ZBTB20: variants seen among roughly 807,000 people sequenced by gnomAD.
ZBTB20 encodes zinc finger and BTB domain containing 20.
Under a neutral mutation model 56.9 loss-of-function variants are expected in ZBTB20, and 9 were observed. The ratio of observed to expected loss-of-function variants is 0.16; its 90% CI spans 0.10 to 0.28. The LOEUF is 0.28. Among genes scored for constraint, ZBTB20 ranks in the 10% least tolerant of loss-of-function variants. ZBTB20 has a pLI of 1.00. For synonymous variants in ZBTB20, 417 were observed against 420.7 expected (o/e 0.99, Z 0.11); for missense variants, 655 against 1,003.0 (o/e 0.65, Z 4.69).
At chr3:114,638,267 AACATAG>A (rs2059380461) in intron 6 of ZBTB20, among the ~76,000 whole-genome samples, 1 of 152,036 alleles carries the variant, frequency 6.6e-6, no homozygotes, top group African/African-American at 2.4e-5. Flanking sequence ...TCCCTCTTTG[AACATAG>A]ACATGATGCT....
chr3:114,600,972 T>TC (rs532577887), intron 6 of ZBTB20, among the ~76,000 whole-genome samples: 14,175 of 151,870 alleles, frequency 0.093, 759 homozygotes, highest in African/African-American at 0.14. Context: ...TTTTTTTTTT[T>TC]TCTCTAGGGA....
chr3:114,853,315 A>C (rs770984944), intron 4 of ZBTB20, among the ~76,000 whole-genome samples: 121 of 152,174 alleles, frequency 8.0e-4, no homozygotes, highest in Non-Finnish European at 1.0e-3. Flanking sequence ...CTATATTTAA[A>C]ATACTCTCGA....
rs1236097268 is a variant in ZBTB20, at chr3:114,315,392, C to G, written c.*23613G>C. 6.6e-6 allele frequency: 1 copy of G among 152,164 alleles called. No homozygotes were observed. The highest frequency in any genetic ancestry group is 1.9e-4 in the East Asian group (1 of 5,196). 9.4% of individuals were successfully genotyped at this position (152,164 alleles called of 1,614,324 possible). A position where few individuals can be genotyped will look rare whatever the true frequency, so the allele number is the denominator to read the frequency against. ...ACAATCTGGTTAGAAAAGTTGCCCTCCACTCATAATTCACTGGGAAATGGA... is the reference window on the plus strand; with the variant it reads ...ACAATCTGGTTAGAAAAGTTGCCCTGCACTCATAATTCACTGGGAAATGGA... On this transcript the variant is annotated 3_prime_UTR_variant, in exon 12 of 12. Coordinates refer to ENST00000675478, the MANE Select transcript of ZBTB20 (RefSeq NM_001348800.3).
chr3:114,879,589 G>A (rs1237704278), intron 4 of ZBTB20, among the ~76,000 whole-genome samples: 1 of 152,154 alleles, frequency 6.6e-6, no homozygotes, highest in African/African-American at 2.4e-5. Context: ...ACCGCCTCCT[G>A]AGTGCTATAG....
At chr3:114,968,645 T>A (rs937273007) in intron 3 of ZBTB20, among the ~76,000 whole-genome samples, 2 of 152,150 alleles carry the variant, frequency 1.3e-5, no homozygotes, top group African/African-American at 4.8e-5. Flanking sequence ...AAAACACACT[T>A]CGGTCACCTC....
chr3:115,009,639 G>A (rs891984567), intron 2 of ZBTB20, among the ~76,000 whole-genome samples: 2 of 151,952 alleles, frequency 1.3e-5, no homozygotes, highest in African/African-American at 4.8e-5. Context: ...CAATGCAACA[G>A]TGTTGAAAGG....
intron 3 of ZBTB20, among the ~76,000 whole-genome samples, chr3:114,925,945 G>C (rs534715384): frequency 6.6e-6 from 1 of 152,124 alleles, no homozygotes; most frequent in Non-Finnish European, 1.5e-5. Context: ...TGTTCTCATG[G>C]GACATTAATT....
At chr3:114,861,623 C>G (rs891822016) in intron 4 of ZBTB20, 1 of 151,864 alleles carries the variant, frequency 6.6e-6, no homozygotes, top group African/African-American at 2.4e-5. Context: ...TATTACCCAC[C>G]ATTTAGCTAG....
intron 6 of ZBTB20, among the ~76,000 whole-genome samples, chr3:114,528,095 G>T (rs1486322684): frequency 6.7e-6 from 1 of 150,146 alleles, no homozygotes; most frequent in African/African-American, 2.5e-5. Context: ...CTGACCTTAT[G>T]ATTTTTAAAA....
chr3:114,911,059 A>G (rs181498973), intron 3 of ZBTB20, among the ~76,000 whole-genome samples: 1 of 151,874 alleles, frequency 6.6e-6, no homozygotes, highest in East Asian at 1.9e-4. Flanking sequence ...AATACCCTAC[A>G]TGAGAGAACA....
intron 3 of ZBTB20, among the ~76,000 whole-genome samples, chr3:114,957,307 TTAGGATAAGATAAAA>T (rs1221280497): frequency 6.6e-6 from 1 of 152,034 alleles, no homozygotes; most frequent in African/African-American, 2.4e-5. Flanking sequence ...TAAAGGAAAG[TTAGGATAAGATAAAA>T]TAGGATAAGA....
intron 6 of ZBTB20, among the ~76,000 whole-genome samples, chr3:114,585,644 C>T (rs931239117): frequency 6.6e-6 from 1 of 152,198 alleles, no homozygotes; most frequent in Non-Finnish European, 1.5e-5. Context: ...CCCTGTACCA[C>T]TATACCTAAT....
At chr3:114,550,246 C>G (rs926921483) in intron 6 of ZBTB20, among the ~76,000 whole-genome samples, 3 of 152,082 alleles carry the variant, frequency 2.0e-5, no homozygotes, top group African/African-American at 7.2e-5. Context: ...CCTATAACTT[C>G]TTTATTTATT....
intron 1 of ZBTB20, among the ~76,000 whole-genome samples, chr3:115,112,690 T>A (rs1461174091): frequency 2.6e-5 from 4 of 152,214 alleles, no homozygotes; most frequent in African/African-American, 7.2e-5. Context: ...CATTTTTTTA[T>A]CCATTTGTCC....
At chr3:114,380,626 A>G in intron 9 of ZBTB20, 151 bp downstream of exon 9, 1 of 1,231,834 alleles carries the variant, frequency 8.1e-7, no homozygotes, top group Non-Finnish European at 1.1e-6. Flanking sequence ...AAACAGCACC[A>G]CATTTGGACT....
Position 114,324,580 on chromosome 3 carries a change from T to G in ZBTB20, c.*14425A>C, listed in dbSNP as rs547551236. On this transcript the variant is annotated 3_prime_UTR_variant, in exon 12 of 12. Transcript: ENST00000675478. ...CAAGGCCCCTCTCAGAATGATCAAT[T>G]GAAAATTGGTACAAATAGCTCAGTG... The G allele has an allele frequency of 2.0e-5, 3 of 152,200 alleles. No individual in the cohort carries two copies. In the South Asian group the frequency reaches 6.2e-4, roughly 32 times the overall value. The allele number at this position is 152,200 out of a possible 1,614,324, so 9.4% of individuals were successfully genotyped here. A position where few individuals can be genotyped will look rare whatever the true frequency, so the allele number is the denominator to read the frequency against.
intron 7 of ZBTB20, among the ~76,000 whole-genome samples, chr3:114,436,134 A>T (rs937715225): frequency 2.0e-5 from 3 of 152,216 alleles, no homozygotes; most frequent in African/African-American, 4.8e-5. Flanking sequence ...TGATAACTAC[A>T]GAAATAGGTC....
chr3:115,062,106 A>G (rs892199628), intron 2 of ZBTB20, among the ~76,000 whole-genome samples: 2 of 152,208 alleles, frequency 1.3e-5, no homozygotes, highest in Non-Finnish European at 2.9e-5. Flanking sequence ...AACTGATCCA[A>G]CAACTCCTAT....
chr3:114,625,013 T>G (rs2058571878), intron 6 of ZBTB20: 1 of 152,682 alleles, frequency 6.5e-6, no homozygotes, highest in South Asian at 2.1e-4. Flanking sequence ...ACTGCACAGC[T>G]TGGCACAGGC....
Sources: allele counts gnomAD v4.1 joint callset (sites outside exome capture counted in the v4.1 genomes callset), GRCh38; gene constraint gnomAD v4.1.1; transcripts MANE v1.5; gene names NCBI Gene and HGNC (gene_info 2026-07-23, HGNC 2026-07-21).